Variants in AGTPBP1 observed in about 807,000 individuals in gnomAD.
AGTPBP1 encodes the protein cytosolic carboxypeptidase 1.
AGTPBP1 carries 70 observed loss-of-function variants against 143.9 expected under a neutral mutation model. That is an observed-to-expected ratio of 0.49 (90% confidence interval 0.40 to 0.59). The LOEUF (loss-of-function observed/expected upper bound fraction) is 0.59. AGTPBP1 is among the 20% of genes least tolerant of loss of function. The pLI, the probability that AGTPBP1 is intolerant of heterozygous loss-of-function variation, is 0.00. For synonymous variants in AGTPBP1, 463 were observed against 500.2 expected (o/e 0.93, Z 0.99); for missense variants, 1,229 against 1,464.5 (o/e 0.84, Z 2.62).
At chr9:85,800,247 T>C in the AGTPBP1 span, among the ~76,000 whole-genome samples, 3 of 152,158 alleles carry the variant, frequency 2.0e-5, no homozygotes, top group African/African-American at 7.2e-5. Context: ...GAGTAGGGAA[T>C]ATAGGGGAGG....
At chr9:85,669,601 C>T (rs766421688) in intron 7 of AGTPBP1, 23 bp from the exon 8 acceptor site, 5 of 1,550,384 alleles carry the variant, frequency 3.2e-6, no homozygotes, top group Middle Eastern at 1.7e-4. Context: ...GAAAGAGATG[C>T]AAAATTATTT....
chr9:85,624,813 T>G (rs141126179), intron 14 of AGTPBP1, among the ~76,000 whole-genome samples: 44 of 152,338 alleles, frequency 2.9e-4, no homozygotes, highest in African/African-American at 1.0e-3. Context: ...GGAACTACTT[T>G]TATTACTTTT....
intron 14 of AGTPBP1, 61 bp from the exon 15 acceptor site, chr9:85,621,346 A>C: frequency 1.3e-6 from 1 of 796,990 alleles, no homozygotes; most frequent in Non-Finnish European, 1.8e-6. Flanking sequence ...ACTTTCTCCA[A>C]AGTAAATTTT....
chr9:85,763,694 T>C, the AGTPBP1 span, among the ~76,000 whole-genome samples: 1 of 152,100 alleles, frequency 6.6e-6, no homozygotes, highest in Non-Finnish European at 1.5e-5. Context: ...ACACAGTCAG[T>C]AGACAATGTC....
At chr9:85,729,479 T>C (rs917306980) in intron 1 of AGTPBP1, among the ~76,000 whole-genome samples, 5 of 152,174 alleles carry the variant, frequency 3.3e-5, no homozygotes, top group African/African-American at 9.7e-5. Context: ...ATTTTTTGCA[T>C]AGGATCTAAA....
intron 1 of AGTPBP1, among the ~76,000 whole-genome samples, chr9:85,735,372 G>T (rs985296564): frequency 5.9e-5 from 9 of 152,184 alleles, no homozygotes; most frequent in African/African-American, 2.2e-4. Flanking sequence ...GCCAGGGAAT[G>T]GATTATGGGG....
At chr9:85,684,998 A>T (rs11141063) in intron 3 of AGTPBP1, among the ~76,000 whole-genome samples, 3,187 of 152,164 alleles carry the variant, frequency 0.021, 106 homozygotes, top group African/African-American at 0.065. Context: ...AACATCTGAA[A>T]TAAATTATCA....
At chr9:85,772,872 A>C in the AGTPBP1 span, among the ~76,000 whole-genome samples, 4 of 152,212 alleles carry the variant, frequency 2.6e-5, no homozygotes, top group Non-Finnish European at 5.9e-5. Flanking sequence ...CTATCCACTT[A>C]GACTAGAGAA....
rs148895741 is a variant in AGTPBP1 at position 85,550,260 on chromosome 9, T to C, written c.3504-2974A>G. ...TGGAAGGAGCTAGGGGAATAAATAC[T>C]GAGACAGGGGAAAGAGAAAAACAGA... On this transcript the variant is annotated intron_variant, in intron 25 of 25. Transcript: ENST00000357081. Among the ~76,000 whole-genome samples the C allele has an allele frequency of 8.5e-3, 1,288 of 151,804 alleles. 20 individuals are homozygous for C. The highest frequency in any genetic ancestry group is 0.03 in the African/African-American group (1,225 of 41,354).
At chr9:85,643,426 A>T (rs1168352112) in intron 12 of AGTPBP1, among the ~76,000 whole-genome samples, 1 of 152,226 alleles carries the variant, frequency 6.6e-6, no homozygotes, top group Admixed American at 6.5e-5. Flanking sequence ...GCTGAAAATT[A>T]CACATCTTGC....
At chr9:85,549,322 GTCTCCCA>G (rs1825904653) in intron 25 of AGTPBP1, among the ~76,000 whole-genome samples, 1 of 152,168 alleles carries the variant, frequency 6.6e-6, no homozygotes, top group South Asian at 2.1e-4. Flanking sequence ...AGTGGCCAGT[GTCTCCCA>G]TCAGGTAGGA....
At chr9:85,772,176 A>G in the AGTPBP1 span, among the ~76,000 whole-genome samples, 1 of 142,944 alleles carries the variant, frequency 7.0e-6, no homozygotes, top group Non-Finnish European at 1.5e-5. Flanking sequence ...GGGTTTCACC[A>G]TGTTGGCCAG....
At chr9:85,732,721 G>A (rs934958992) in intron 1 of AGTPBP1, among the ~76,000 whole-genome samples, 1 of 152,078 alleles carries the variant, frequency 6.6e-6, no homozygotes, top group African/African-American at 2.4e-5. Context: ...CCAACTGTAT[G>A]TTGTCTGCAG....
intron 2 of AGTPBP1, among the ~76,000 whole-genome samples, chr9:85,711,257 A>C (rs968622783): frequency 2.0e-5 from 3 of 152,184 alleles, no homozygotes; most frequent in African/African-American, 7.2e-5. Context: ...CTGAGGCTTC[A>C]CAAAGTTACA....
chr9:85,591,136 A>G (rs1441508017), intron 19 of AGTPBP1, among the ~76,000 whole-genome samples: 1 of 151,460 alleles, frequency 6.6e-6, no homozygotes, highest in Non-Finnish European at 1.5e-5. Flanking sequence ...TTTAAAGTCT[A>G]TTTAAAGATA....
chr9:85,565,911 A>G (rs760731712), intron 25 of AGTPBP1, among the ~76,000 whole-genome samples: 1 of 152,234 alleles, frequency 6.6e-6, no homozygotes, highest in African/African-American at 2.4e-5. Flanking sequence ...AAATAGTGGC[A>G]TACTTTGCCA....
At chr9:85,665,255 C>T (rs1469669353) in intron 8 of AGTPBP1, among the ~76,000 whole-genome samples, 1 of 152,062 alleles carries the variant, frequency 6.6e-6, no homozygotes, top group Non-Finnish European at 1.5e-5. Context: ...TGAAGACAAA[C>T]ACAAAAGGGG....
At chr9:85,664,285 C>T (rs555973048) in intron 8 of AGTPBP1, among the ~76,000 whole-genome samples, 77 of 152,236 alleles carry the variant, frequency 5.1e-4, no homozygotes, top group African/African-American at 1.7e-3. Flanking sequence ...GACCACATTA[C>T]GATTTTCATG....
the AGTPBP1 span, among the ~76,000 whole-genome samples, chr9:85,774,769 A>G: frequency 1.3e-5 from 2 of 152,370 alleles, no homozygotes; most frequent in Admixed American, 1.3e-4. Context: ...CAACCTGAGT[A>G]AGCAGAAAAT....
Sources: allele counts gnomAD v4.1 joint callset (sites outside exome capture counted in the v4.1 genomes callset), GRCh38; gene constraint gnomAD v4.1.1; transcripts MANE v1.5; gene names NCBI Gene and HGNC (gene_info 2026-07-23, HGNC 2026-07-21).